The following MDGA2 variants were observed in gnomAD, a reference collection of about 807,000 sequenced individuals.
The protein encoded by MDGA2 is MAM domain containing glycosylphosphatidylinositol anchor 2, also known as MAM domain-containing glycosylphosphatidylinositol anchor protein 2.
In MDGA2, 40 loss-of-function variants were observed where a neutral mutation model predicts 117.8. The observed-to-expected ratio is 0.34, with a 90% CI of 0.26 to 0.44. The LOEUF (loss-of-function observed/expected upper bound fraction) is 0.44, where lower values mean the gene tolerates loss of function less well. MDGA2 is among the 20% of genes least tolerant of loss of function. The probability of loss-of-function intolerance (pLI) is 1.00; values close to 1 mark genes in which losing one functional copy is unlikely to be tolerated. For missense variants in MDGA2, 1,123 were observed against 1,250.6 expected, an observed-to-expected ratio of 0.90 and a Z score of 1.54; for synonymous variants, 452 against 439.0, an observed-to-expected ratio of 1.03 and a Z score of -0.37.
chr14:47,653,781 G>A (rs1043993038), intron 1 of MDGA2, among the ~76,000 whole-genome samples: 1 of 152,140 alleles, frequency 6.6e-6, no homozygotes, highest in African/African-American at 2.4e-5. Flanking sequence ...GAGGGAGACA[G>A]GACTATGGAA....
At chr14:47,012,215 C>T (rs1887919295) in intron 8 of MDGA2, among the ~76,000 whole-genome samples, 1 of 152,040 alleles carries the variant, frequency 6.6e-6, no homozygotes, top group South Asian at 2.1e-4. Context: ...TCTCTATAAA[C>T]TGAATATACT....
In MDGA2 at chr14:46,873,992, C is replaced by A. The variant is rs908841494; in HGVS notation, c.2593+53G>T. The A allele has an allele frequency of 6.6e-6, 9 of 1,357,956 alleles. No individual in the cohort carries two copies. The African/African-American group carries it at 1.4e-4, about 21-fold the overall frequency. The allele number at this position is 1,357,956 out of a possible 1,614,324, so 84.1% of individuals were successfully genotyped here. A position where few individuals can be genotyped will look rare whatever the true frequency, so the allele number is the denominator to read the frequency against. On this transcript the variant is annotated intron_variant, in intron 13 of 16. Transcript: ENST00000399232. ...AAATATTAGTATTTCATATTTATAG[C>A]AGTTTTTAAAAGTCTCTGATTGCTA...
chr14:47,282,523 A>AAC lies in MDGA2; in HGVS notation c.420+18886_420+18887dup, dbSNP rs59651044. ...TGAAACCCCGTCTCTATTAAAAATA[A>AAC]ACACACACACACACACACACACAAA... On this transcript the variant is annotated intron_variant, in intron 2 of 16. Transcript: ENST00000399232. Among the ~76,000 whole-genome samples, 212 of 149,480 alleles carry AAC rather than the reference A, an allele frequency of 1.4e-3. 1 individual carries two copies. The South Asian group carries it at 0.018, about 12-fold the overall frequency.
At chr14:47,158,363 G>GTGTGTGTGTGTGT (rs1555358939) in intron 3 of MDGA2, among the ~76,000 whole-genome samples, 1 of 146,682 alleles carries the variant, frequency 6.8e-6, no homozygotes. Context: ...CCCTGGGGTG[G>GTGTGTGTGTGTGT]GTGTGTGTGT....
chr14:46,860,627 G>A (rs1342465179), intron 14 of MDGA2, among the ~76,000 whole-genome samples: 1 of 151,854 alleles, frequency 6.6e-6, no homozygotes, highest in Non-Finnish European at 1.5e-5. Context: ...GTCTTCCACA[G>A]AACTGACTTT....
At chr14:47,609,465 A>ATATATATATATATAT (rs1555336021) in intron 1 of MDGA2, among the ~76,000 whole-genome samples, 333 of 107,320 alleles carry the variant, frequency 3.1e-3, no homozygotes, top group Non-Finnish European at 4.0e-3. Context: ...ATATATATAT[A>ATATATATATATATAT]AGTTTCTTTA....
At chr14:47,558,478 A>T (rs1236942687) in intron 1 of MDGA2, among the ~76,000 whole-genome samples, 1 of 152,218 alleles carries the variant, frequency 6.6e-6, no homozygotes, top group Non-Finnish European at 1.5e-5. Flanking sequence ...CAAATGAAGA[A>T]CAACAGTCAA....
At chr14:47,628,764 T>C (rs1044246383) in intron 1 of MDGA2, among the ~76,000 whole-genome samples, 2 of 152,158 alleles carry the variant, frequency 1.3e-5, no homozygotes, top group Non-Finnish European at 2.9e-5. Context: ...AAGATTTTTT[T>C]CCCCCCAGCT....
chr14:47,660,430 T>A (rs7161457), intron 1 of MDGA2, among the ~76,000 whole-genome samples: 3 of 152,034 alleles, frequency 2.0e-5, no homozygotes, highest in Non-Finnish European at 4.4e-5. Flanking sequence ...ACTTTTATAG[T>A]GGTAAATACT....
At chr14:47,650,473 G>T (rs893350499) in intron 1 of MDGA2, among the ~76,000 whole-genome samples, 3 of 152,130 alleles carry the variant, frequency 2.0e-5, no homozygotes, top group Admixed American at 1.3e-4. Flanking sequence ...ATCTGTATGG[G>T]TTTTTTCTGG....
chr14:47,609,295 T>C (rs1337334323), intron 1 of MDGA2, among the ~76,000 whole-genome samples: 2 of 150,550 alleles, frequency 1.3e-5, no homozygotes, highest in Admixed American at 6.7e-5. Flanking sequence ...AGCTGAAACA[T>C]ATCTGTGAGA....
intron 1 of MDGA2, among the ~76,000 whole-genome samples, chr14:47,632,022 G>C (rs1178964406): frequency 6.6e-6 from 1 of 151,622 alleles, no homozygotes; most frequent in African/African-American, 2.4e-5. Context: ...TGTGTCCCAG[G>C]TGTGCCAAAA....
chr14:47,607,674 C>T (rs1896765965), intron 1 of MDGA2, among the ~76,000 whole-genome samples: 1 of 151,992 alleles, frequency 6.6e-6, no homozygotes, highest in South Asian at 2.1e-4. Context: ...GTCATCAGAT[C>T]AATGGACAAA....
At chr14:47,191,300 AG>A (rs1423095473) in intron 3 of MDGA2, among the ~76,000 whole-genome samples, 1 of 151,504 alleles carries the variant, frequency 6.6e-6, no homozygotes, top group Non-Finnish European at 1.5e-5. Context: ...ATATTTTTAA[AG>A]ACTCAATAAA....
At chr14:47,410,365 C>T (rs1442442642) in intron 1 of MDGA2, among the ~76,000 whole-genome samples, 2 of 152,058 alleles carry the variant, frequency 1.3e-5, no homozygotes, top group Non-Finnish European at 2.9e-5. Flanking sequence ...TCTAAGGAAA[C>T]CAAGAAATCA....
chr14:47,316,880 TG>T (rs1330261368), intron 1 of MDGA2, among the ~76,000 whole-genome samples: 1 of 152,168 alleles, frequency 6.6e-6, no homozygotes, highest in Non-Finnish European at 1.5e-5. Context: ...ATTATGCAGA[TG>T]AAGCCTCTAT....
At chr14:47,290,991 T>C (rs1888867684) in intron 2 of MDGA2, among the ~76,000 whole-genome samples, 1 of 152,114 alleles carries the variant, frequency 6.6e-6, no homozygotes, top group South Asian at 2.1e-4. Context: ...AAACAGCAAT[T>C]AGTACTTCGC....
intron 1 of MDGA2, among the ~76,000 whole-genome samples, chr14:47,358,248 G>A (rs1385245279): frequency 6.6e-6 from 1 of 152,130 alleles, no homozygotes; most frequent in Non-Finnish European, 1.5e-5. Flanking sequence ...ACCTCTGTAT[G>A]CAATGACTCA....
intron 1 of MDGA2, among the ~76,000 whole-genome samples, chr14:47,464,960 G>T (rs1179898238): frequency 1.3e-5 from 2 of 151,940 alleles, no homozygotes; most frequent in Non-Finnish European, 2.9e-5. Context: ...TATACTAAAG[G>T]GCCACAGTAA....
Sources: gnomAD v4.1 joint callset for allele counts (sites outside exome capture counted in the v4.1 genomes callset) on GRCh38, gnomAD v4.1.1 for gene constraint, MANE v1.5 for transcripts, NCBI Gene and HGNC (gene_info 2026-07-23, HGNC 2026-07-21) for gene names.